ZFP14: variants seen among roughly 807,000 people sequenced by gnomAD.
The protein encoded by ZFP14 is zinc finger protein 14 homolog.
A neutral mutation model predicts 54.5 loss-of-function variants in ZFP14; 22 were observed. The ratio of observed to expected loss-of-function variants is 0.40; its 90% CI spans 0.29 to 0.58. The LOEUF (loss-of-function observed/expected upper bound fraction) is 0.58. Ranked by LOEUF, ZFP14 falls within the 20% of genes least tolerant of loss-of-function variation. ZFP14 has a pLI of 0.39. For synonymous variants in ZFP14, 159 were observed against 204.0 expected (o/e 0.78, Z 1.88); for missense variants, 470 against 637.8 (o/e 0.74, Z 2.83).
chr19:36,365,528 A>C (rs772264235), intron 2 of ZFP14, among the ~76,000 whole-genome samples: 4 of 152,200 alleles, frequency 2.6e-5, no homozygotes, highest in Non-Finnish European at 5.9e-5. Flanking sequence ...AGTCACTAGC[A>C]GCACCAGGTA....
intron 2 of ZFP14, among the ~76,000 whole-genome samples, chr19:36,362,520 G>T (rs1356884926): frequency 6.6e-6 from 1 of 152,074 alleles, no homozygotes; most frequent in Non-Finnish European, 1.5e-5. Flanking sequence ...CTAATTAAAT[G>T]AAATAGTGCA....
At chr19:36,358,045 G>GATCGATCTATCTATCT (rs544309405) in intron 4 of ZFP14, among the ~76,000 whole-genome samples, 1 of 141,644 alleles carries the variant, frequency 7.1e-6, no homozygotes, top group African/African-American at 2.7e-5. Context: ...GCCCGGCTCT[G>GATCGATCTATCTATCT]ATCTATCTAT....
Position 36,341,651 on chromosome 19 carries a change from C to A in ZFP14, c.236-61G>T. The A allele has an allele frequency of 6.8e-7, 1 of 1,471,338 alleles. No homozygotes were observed. The highest frequency in any genetic ancestry group is 9.0e-7 in the Non-Finnish European group (1 of 1,113,782). The allele number at this position is 1,471,338 out of a possible 1,614,324, so 91.1% of individuals were successfully genotyped here. On this transcript the variant is annotated intron_variant, in intron 4 of 4. Transcript: ENST00000270001. The surrounding 1 kb of genome is among the most constrained non-coding windows in gnomAD (Gnocchi z 4.2). ...TCCTGTTCCAGAAAGAAAAAACAAA[C>A]AAACAAAAAAACCACTTCTATAGAG... is the stretch of plus-strand genomic sequence containing the variant.
At chr19:36,366,743 C>T (rs1373585764) in intron 2 of ZFP14, among the ~76,000 whole-genome samples, 1 of 152,156 alleles carries the variant, frequency 6.6e-6, no homozygotes, top group Non-Finnish European at 1.5e-5. Flanking sequence ...CCTTTCTTGA[C>T]CTGATAGCAT....
Position 36,341,108 on chromosome 19 carries a change from G to T in ZFP14, c.718C>A (p.Leu240Ile), listed in dbSNP as rs753205621. 2 of 1,612,514 alleles carry T rather than the reference G, an allele frequency of 1.2e-6. No individual in the cohort carries two copies. Among genetic ancestry groups the T allele is most frequent in the Middle Eastern group, 3.3e-4 (2 of 6,042 alleles). The change falls in exon 5 of 5, where the codon CTC becomes ATC. Residue 240 changes from leucine to isoleucine, a missense_variant. Physicochemically the swap from Leu to Ile is conservative, Grantham distance 5. Transcript: ENST00000270001. This position sits in a 1 kb window ranked among gnomAD's most constrained non-coding sequence, Gnocchi z 4.2. ...CKECGKAFTV[L>I]QELTQHQRLH... ...CTCTGATGTTGAGTAAGTTCTTGGAGCACTGTAAAGGCCTTCCCACACTCC... is the reference window on the plus strand; with the variant it reads ...CTCTGATGTTGAGTAAGTTCTTGGATCACTGTAAAGGCCTTCCCACACTCC...
In ZFP14 at chr19:36,367,895, TTTTAG is replaced by T; in HGVS notation, c.-8_-4del. On this transcript the variant is annotated 5_prime_UTR_variant, in exon 2 of 5. Transcript: ENST00000270001. ...AAACATTAACTTACATGGGCCATGG[TTTTAG>T]AACTGCAAAAACTGGTCAGTCCTTT... The T allele has an allele frequency of 3.7e-6, 6 of 1,611,418 alleles. No individual in the cohort carries two copies. In the Admixed American group the frequency reaches 8.4e-5, roughly 22 times the overall value.
intron 1 of ZFP14, among the ~76,000 whole-genome samples, chr19:36,374,984 A>G (rs967261933): frequency 2.0e-5 from 3 of 152,046 alleles, no homozygotes; most frequent in Admixed American, 6.6e-5. Context: ...TCATGAACCA[A>G]CTCTATGATT....
intron 4 of ZFP14, among the ~76,000 whole-genome samples, chr19:36,356,301 G>A (rs1428005453): frequency 1.3e-5 from 2 of 151,952 alleles, no homozygotes; most frequent in Admixed American, 1.3e-4. Context: ...GGTGGCGCAT[G>A]CCTATAATCT....
Position 36,335,341 on chromosome 19 carries a change from C to T in ZFP14, c.*4883G>A. The T allele has an allele frequency of 6.6e-6, 1 of 152,062 alleles. No homozygotes were observed. Among genetic ancestry groups the T allele is most frequent in the South Asian group, 2.1e-4 (1 of 4,818 alleles). 9.4% of individuals were successfully genotyped at this position (152,062 alleles called of 1,614,324 possible). A position where few individuals can be genotyped will look rare whatever the true frequency, so the allele number is the denominator to read the frequency against. ...TATTTGGTGCTTGGGAAAAGAAACA[C>T]TGACCTATTAGCAAAGATAGATTTT... On this transcript the variant is annotated 3_prime_UTR_variant, in exon 5 of 5. Transcript: ENST00000270001.
At chr19:36,361,751 T>A (rs2031715290) in intron 3 of ZFP14, among the ~76,000 whole-genome samples, 1 of 152,230 alleles carries the variant, frequency 6.6e-6, no homozygotes, top group Admixed American at 6.5e-5. Flanking sequence ...TTCTACAGAT[T>A]CCTTTGATTT....
In ZFP14 at chr19:36,346,217, C is replaced by T. The variant is rs371577465; in HGVS notation, c.236-4627G>A. 2.0e-5 allele frequency among the ~76,000 whole-genome samples: 3 copies of T among 151,986 alleles called. No individual in the cohort carries two copies. The South Asian group carries it at 6.2e-4, about 32-fold the overall frequency. The stretch of plus-strand genomic sequence containing the variant: ...AAGAGGATCGTCTGAGCCCGGGAGG[C>T]GGGCATTGCAATGAGCCATGATTAT... On this transcript the variant is annotated intron_variant, in intron 4 of 4. Transcript: ENST00000270001.
chr19:36,362,340 G>C, intron 2 of ZFP14, 102 bp from the exon 3 acceptor site: 1 of 1,277,454 alleles, frequency 7.8e-7, no homozygotes, highest in Non-Finnish European at 1.1e-6. Flanking sequence ...GGGTCAGATA[G>C]CATGCAAACA....
At chr19:36,361,981 G>C in intron 3 of ZFP14, 131 bp downstream of exon 3, 1 of 1,049,424 alleles carries the variant, frequency 9.5e-7, no homozygotes, top group East Asian at 2.8e-5. Context: ...AAATGGAGAG[G>C]CCTAGTTCCA....
At chr19:36,373,214 T>G (rs1272205377) in intron 1 of ZFP14, among the ~76,000 whole-genome samples, 1 of 149,090 alleles carries the variant, frequency 6.7e-6, no homozygotes, top group Non-Finnish European at 1.5e-5. Flanking sequence ...GAGGCGGAGG[T>G]TGTGGTGAGC....
At chr19:36,361,235 G>A (rs1465224870) in intron 3 of ZFP14, among the ~76,000 whole-genome samples, 1 of 152,066 alleles carries the variant, frequency 6.6e-6, no homozygotes, top group East Asian at 1.9e-4. Context: ...GAAACAGAAT[G>A]TGTTTCAGGG....
chr19:36,358,994 C>T (rs1295669320), intron 4 of ZFP14, among the ~76,000 whole-genome samples: 1 of 152,182 alleles, frequency 6.6e-6, no homozygotes, highest in African/African-American at 2.4e-5. Context: ...ATTTGATGCC[C>T]TGCAAAGCCT....
chr19:36,359,019 G>T (rs545592410), intron 4 of ZFP14, among the ~76,000 whole-genome samples: 5 of 152,186 alleles, frequency 3.3e-5, no homozygotes, highest in Non-Finnish European at 5.9e-5. Context: ...ATTCAGCAGA[G>T]TCCCCACCAG....
rs927574062 is a variant in ZFP14 at position 36,339,608 on chromosome 19, G to A, written c.*616C>T. On this transcript the variant is annotated 3_prime_UTR_variant, in exon 5 of 5. Coordinates refer to ENST00000270001, the MANE Select transcript of ZFP14 (RefSeq NM_020917.3). ...ATTGTGGCCAGGAGCTGCAGTCAGC[G>A]TTCAGCCAACAGCCAGCTAGAAACT... is the stretch of plus-strand genomic sequence containing the variant. 6.6e-6 allele frequency: 1 copy of A among 152,266 alleles called. No individual in the cohort carries two copies. The allele number at this position is 152,266 out of a possible 1,614,324, so 9.4% of individuals were successfully genotyped here. A position where few individuals can be genotyped will look rare whatever the true frequency, so the allele number is the denominator to read the frequency against.
chr19:36,368,267 G>A (rs777985358), intron 1 of ZFP14, among the ~76,000 whole-genome samples: 4 of 152,130 alleles, frequency 2.6e-5, no homozygotes, highest in African/African-American at 4.8e-5. Context: ...TCGGGAGTTC[G>A]AGACCAGCCT....
Sources: gnomAD v4.1 joint callset for allele counts (sites outside exome capture counted in the v4.1 genomes callset) on GRCh38, gnomAD v4.1.1 for gene constraint, Gnocchi (gnomAD v3.1) non-coding constraint, MANE v1.5 for transcripts, NCBI Gene and HGNC (gene_info 2026-07-23, HGNC 2026-07-21) for gene names.